LRMDA: variants seen among roughly 807,000 people sequenced by gnomAD.
LRMDA encodes leucine rich melanocyte differentiation associated, also known as leucine-rich melanocyte differentiation-associated protein.
In LRMDA, 18 loss-of-function variants were observed where a neutral mutation model predicts 29.8. That is an observed-to-expected ratio of 0.60 (90% CI 0.42 to 0.90). The LOEUF (loss-of-function observed/expected upper bound fraction) is 0.90. Ranked by LOEUF, LRMDA falls within the 40% of genes least tolerant of loss-of-function variation. LRMDA has a pLI of 0.00. For missense variants in LRMDA, 273 were observed against 273.9 expected (o/e 1.00, Z 0.02); for synonymous variants, 125 against 109.4 (o/e 1.14, Z -0.89).
chr10:76,037,754 A>G (rs913981338), intron 3 of LRMDA, among the ~76,000 whole-genome samples: 10 of 152,168 alleles, frequency 6.6e-5, no homozygotes, highest in Non-Finnish European at 1.5e-4. Context: ...TACCCTTATG[A>G]CCTAATCACC....
At chr10:76,068,690 T>C (rs1848827041) in intron 5 of LRMDA, among the ~76,000 whole-genome samples, 1 of 152,192 alleles carries the variant, frequency 6.6e-6, no homozygotes, top group African/African-American at 2.4e-5. Flanking sequence ...CCGGGATTGG[T>C]GTTGGAGACC....
chr10:75,592,153 G>T (rs556770523), intron 2 of LRMDA, among the ~76,000 whole-genome samples: 95 of 152,166 alleles, frequency 6.2e-4, no homozygotes, highest in African/African-American at 2.2e-3. Context: ...GGGTGCAAGG[G>T]CCCTTTGTTC....
chr10:75,879,541 C>T (rs1296057706), intron 2 of LRMDA, among the ~76,000 whole-genome samples: 3 of 152,060 alleles, frequency 2.0e-5, no homozygotes, highest in East Asian at 3.9e-4. Flanking sequence ...CTTGTTGTTG[C>T]GCTGATGTAT....
At chr10:75,659,542 G>A (rs1362055618) in intron 2 of LRMDA, among the ~76,000 whole-genome samples, 1 of 152,196 alleles carries the variant, frequency 6.6e-6, no homozygotes, top group Non-Finnish European at 1.5e-5. Context: ...AAACAAGCCA[G>A]ACACTGAAAG....
intron 5 of LRMDA, among the ~76,000 whole-genome samples, chr10:76,147,225 T>G (rs1850342253): frequency 6.6e-6 from 1 of 152,194 alleles, no homozygotes; most frequent in Non-Finnish European, 1.5e-5. Flanking sequence ...AATCTGAATG[T>G]TGGCCTGCCT....
At chr10:76,360,147 C>A (rs1841294143) in intron 6 of LRMDA, among the ~76,000 whole-genome samples, 1 of 152,028 alleles carries the variant, frequency 6.6e-6, no homozygotes, top group Non-Finnish European at 1.5e-5. Context: ...TGCTACCATG[C>A]CTAGCTAATT....
intron 5 of LRMDA, among the ~76,000 whole-genome samples, chr10:76,066,135 T>C (rs896003522): frequency 2.0e-5 from 3 of 152,220 alleles, no homozygotes; most frequent in Admixed American, 1.3e-4. Flanking sequence ...AACCAGGGTC[T>C]TAACTGGAAC....
chr10:75,544,543 G>C (rs1840054616), intron 2 of LRMDA, among the ~76,000 whole-genome samples: 1 of 152,118 alleles, frequency 6.6e-6, no homozygotes, highest in African/African-American at 2.4e-5. Context: ...CTATGACTTA[G>C]AGAGGAAGGT....
At chr10:76,093,547 C>T (rs1484398861) in intron 5 of LRMDA, among the ~76,000 whole-genome samples, 1 of 152,068 alleles carries the variant, frequency 6.6e-6, no homozygotes, top group Non-Finnish European at 1.5e-5. Context: ...AATGTTGTTA[C>T]CACCTCCTCT....
intron 2 of LRMDA, among the ~76,000 whole-genome samples, chr10:75,616,538 A>G (rs1020520803): frequency 6.6e-6 from 1 of 152,238 alleles, no homozygotes; most frequent in African/African-American, 2.4e-5. Context: ...CACCCCAGAT[A>G]ATTGGAGTCT....
chr10:75,724,063 A>AT (rs923117005), intron 2 of LRMDA, among the ~76,000 whole-genome samples: 12 of 152,058 alleles, frequency 7.9e-5, no homozygotes, highest in African/African-American at 1.4e-4. Context: ...AAAAATTATT[A>AT]TTTTTTTTGC....
intron 5 of LRMDA, among the ~76,000 whole-genome samples, chr10:76,129,643 T>C (rs967743668): frequency 6.6e-6 from 1 of 152,164 alleles, no homozygotes. Flanking sequence ...CCAGGCTTGT[T>C]TGTGGATCTT....
rs1200544176 is a variant in LRMDA, at chr10:76,557,360, G to A, written c.*72G>A. The A allele has an allele frequency of 3.1e-5, 40 of 1,301,474 alleles. No individual in the cohort carries two copies. Among genetic ancestry groups the A allele is most frequent in the Non-Finnish European group, 4.2e-5 (38 of 906,772 alleles). 80.6% of individuals were successfully genotyped at this position (1,301,474 alleles called of 1,614,324 possible). On this transcript the variant is annotated 3_prime_UTR_variant, in exon 7 of 7. Transcript: ENST00000611255. ...AAGGGAAATCAAAAATAAAGAAAACGCTAAAGAAAAAACAATAGCCCACAT... is the reference window on the plus strand; with the variant it reads ...AAGGGAAATCAAAAATAAAGAAAACACTAAAGAAAAAACAATAGCCCACAT...
At chr10:76,004,285 C>A (rs1847609852) in intron 2 of LRMDA, among the ~76,000 whole-genome samples, 1 of 152,178 alleles carries the variant, frequency 6.6e-6, no homozygotes, top group South Asian at 2.1e-4. Context: ...ATAGTCCGAA[C>A]TTAGATTTTC....
At chr10:75,805,084 C>T (rs769199615) in intron 2 of LRMDA, among the ~76,000 whole-genome samples, 5 of 152,310 alleles carry the variant, frequency 3.3e-5, no homozygotes, top group South Asian at 2.1e-4. Flanking sequence ...TCAGAAGATC[C>T]GCGCAGTCAA....
rs139972309 is a variant in LRMDA at position 75,825,881 on chromosome 10, A to T, written c.132-210127A>T. On this transcript the variant is annotated intron_variant, in intron 2 of 6. Transcript: ENST00000611255. ...GTTACCCAGTGACCCCCTTGCTGCA[A>T]ACTATAGTGGAAGTCAAAGGATGAC... is the stretch of plus-strand genomic sequence containing the variant. 2.0e-4 allele frequency among the ~76,000 whole-genome samples: 30 copies of T among 152,270 alleles called. No individual in the cohort carries two copies. The East Asian group carries it at 5.8e-3, about 29-fold the overall frequency.
At chr10:76,237,993 A>G (rs1337376804) in intron 5 of LRMDA, among the ~76,000 whole-genome samples, 2 of 151,690 alleles carry the variant, frequency 1.3e-5, no homozygotes, top group Admixed American at 6.6e-5. Flanking sequence ...GTTTTGCCAT[A>G]TTGGCCAGGC....
Position 76,198,225 on chromosome 10 carries a change from C to T in LRMDA, c.517-126176C>T, listed in dbSNP as rs74384683. ...GAAGCCTAGGACAGTGCTTCTCAAA[C>T]TTTACTGTGCCTAGAAACCACCTGG... is the stretch of plus-strand genomic sequence containing the variant. On this transcript the variant is annotated intron_variant, in intron 5 of 6. Transcript: ENST00000611255. 6.2e-3 allele frequency among the ~76,000 whole-genome samples: 946 copies of T among 152,324 alleles called. 16 individuals are homozygous for T. The highest frequency in any genetic ancestry group is 0.021 in the African/African-American group (884 of 41,580).
intron 5 of LRMDA, among the ~76,000 whole-genome samples, chr10:76,187,662 A>G (rs1174074347): frequency 7.2e-5 from 11 of 152,136 alleles, no homozygotes; most frequent in South Asian, 2.1e-4. Context: ...TGTTATTTCA[A>G]TCTGGTTGCT....
Sources: allele counts gnomAD v4.1 joint callset (sites outside exome capture counted in the v4.1 genomes callset), GRCh38; gene constraint gnomAD v4.1.1; transcripts MANE v1.5; gene names NCBI Gene and HGNC (gene_info 2026-07-23, HGNC 2026-07-21).